Variants in METTL3 observed in about 807,000 individuals in gnomAD.
The protein encoded by METTL3 is methyltransferase 3, N6-adenosine-methyltransferase complex catalytic subunit.
METTL3 carries 42 observed loss-of-function variants against 64.3 expected under a neutral mutation model. The observed-to-expected ratio is 0.65, with a 90% CI of 0.51 to 0.84. The LOEUF (loss-of-function observed/expected upper bound fraction) is 0.84. Ranked by LOEUF, METTL3 falls within the 40% of genes least tolerant of loss-of-function variation. The probability of loss-of-function intolerance (pLI) is 0.00; values close to 1 mark genes in which losing one functional copy is unlikely to be tolerated. For synonymous variants in METTL3, 256 were observed against 263.6 expected, an observed-to-expected ratio of 0.97 and a Z score of 0.28; for missense variants, 435 against 722.3, an observed-to-expected ratio of 0.60 and a Z score of 4.56.
chr14:21,501,168 G>T lies in METTL3; in HGVS notation c.900-39C>A, dbSNP rs374001341. On this transcript the variant is annotated intron_variant, in intron 4 of 10. Transcript: ENST00000298717. ...AAGGGAGAATCAAGATGGTGCTCCAGATGTAGATCCAACAGTTCAAATTCC... is the reference window on the plus strand; with the variant it reads ...AAGGGAGAATCAAGATGGTGCTCCATATGTAGATCCAACAGTTCAAATTCC... The T allele has an allele frequency of 6.1e-6, 9 of 1,470,310 alleles. No homozygotes were observed. In the African/African-American group the frequency reaches 1.3e-4, roughly 20 times the overall value. The allele number at this position is 1,470,310 out of a possible 1,614,324, so 91.1% of individuals were successfully genotyped here.
intron 7 of METTL3, 61 bp from the exon 8 acceptor site, chr14:21,499,661 C>G (rs1891506871): frequency 5.7e-6 from 9 of 1,579,962 alleles, no homozygotes; most frequent in South Asian, 4.4e-5. Context: ...GGGGTAGTAC[C>G]ATTTATAGAA....
intron 1 of METTL3, among the ~76,000 whole-genome samples, chr14:21,505,503 A>G (rs570370070): frequency 2.0e-5 from 3 of 152,282 alleles, no homozygotes; most frequent in Admixed American, 2.0e-4. Context: ...CCAACATTAC[A>G]TTCAGAATAT....
chr14:21,499,586 T>A lies in METTL3; in HGVS notation c.1358A>T (p.Asp453Val). The stretch of plus-strand genomic sequence containing the variant: ...ATTTGTCTTCACCCAAATAATTTCA[T>A]CTACCCGTTCATACCTGTGGGGCAT... ...CLNLWGYERV[D>V]EIIWVKTNQL... Residue 453 changes from aspartate to valine, a missense_variant, in exon 8 of 11, where the codon GAT (aspartate) becomes GTT (valine). Transcript: ENST00000298717. 1 of 1,614,104 alleles carries A rather than the reference T, an allele frequency of 6.2e-7. No individual in the cohort carries two copies. Among genetic ancestry groups the A allele is most frequent in the Non-Finnish European group, 8.5e-7 (1 of 1,179,944 alleles).
At chr14:21,504,857 T>G (rs1891660510) in intron 1 of METTL3, 1 of 151,320 alleles carries the variant, frequency 6.6e-6, no homozygotes, top group South Asian at 2.1e-4. Context: ...GGAGAATTGC[T>G]TGAACCCACG....
chr14:21,511,265 G>A lies in METTL3; in HGVS notation c.-42C>T, dbSNP rs138269336. 673 of 1,593,234 alleles carry A rather than the reference G, an allele frequency of 4.2e-4. 5 individuals are homozygous for A. The African/African-American group carries it at 8.5e-3, about 20-fold the overall frequency. On this transcript the variant is annotated 5_prime_UTR_variant, in exon 1 of 11. Transcript: ENST00000298717. ...TGACACCTCTCGAATAAGGCGCGGC[G>A]GACTAGCACCTCCCAGCACTCGCTC... is the stretch of plus-strand genomic sequence containing the variant.
At chr14:21,500,789 T>C in intron 5 of METTL3, 107 bp from the exon 6 acceptor site, 1 of 1,413,960 alleles carries the variant, frequency 7.1e-7, no homozygotes. Context: ...AGCTTATCTA[T>C]CCCCCTCCAT....
In METTL3 at chr14:21,503,056, A is replaced by C. The variant is rs1291403712; in HGVS notation, c.723+117T>G. The C allele has an allele frequency of 3.5e-6, 4 of 1,139,582 alleles. No homozygotes were observed. In the East Asian group the frequency reaches 7.1e-5, roughly 20 times the overall value. The allele number at this position is 1,139,582 out of a possible 1,614,324, so 70.6% of individuals were successfully genotyped here. ...ATCCCCTGGGAGTTGGGCAGTAGGGAATCATCCCCAGTTGAGAACCACTGC... is the reference window on the plus strand; with the variant it reads ...ATCCCCTGGGAGTTGGGCAGTAGGGCATCATCCCCAGTTGAGAACCACTGC... On this transcript the variant is annotated intron_variant, in intron 3 of 10. Coordinates refer to ENST00000298717, the MANE Select transcript of METTL3 (RefSeq NM_019852.5).
intron 4 of METTL3, chr14:21,501,456 C>T (rs1594439791): frequency 1.6e-5 from 9 of 560,918 alleles, no homozygotes; most frequent in Non-Finnish European, 2.8e-5. Flanking sequence ...TTTCAGAGTA[C>T]TTTAACTTTC....
intron 1 of METTL3, among the ~76,000 whole-genome samples, chr14:21,506,061 T>C (rs1012999571): frequency 6.6e-6 from 1 of 152,190 alleles, no homozygotes; most frequent in African/African-American, 2.4e-5. Context: ...TAAAGTTTTT[T>C]TTTTTGAGAC....
chr14:21,507,426 G>A (rs1041746544), intron 1 of METTL3, among the ~76,000 whole-genome samples: 2 of 152,102 alleles, frequency 1.3e-5, no homozygotes, highest in South Asian at 2.1e-4. Context: ...TTGAGAGGCC[G>A]AGATGGGCGG....
rs557967128 is a variant in METTL3, at chr14:21,500,663, C to T, written c.1136G>A (p.Arg379His). ...FPPQWICCDI[R>H]YLDVSILGKF... ...GCCCAAGATACTGACGTCCAGGTAG[C>T]GGATATCACAACAGATCCACTGCAT... The change falls in exon 6 of 11, where the codon CGC becomes CAC. Residue 379 changes from arginine to histidine, a missense_variant. Physicochemically the swap from Arg to His is conservative, Grantham distance 29. Coordinates refer to ENST00000298717, the MANE Select transcript of METTL3 (RefSeq NM_019852.5). 5.0e-6 allele frequency: 8 copies of T among 1,613,764 alleles called. No homozygotes were observed. Among genetic ancestry groups the T allele is most frequent in the African/African-American group, 1.3e-5 (1 of 75,016 alleles).
intron 6 of METTL3, 100 bp downstream of exon 6, chr14:21,500,395 C>A: frequency 8.5e-7 from 1 of 1,175,986 alleles, no homozygotes. Flanking sequence ...ATCAGTCATA[C>A]ATTTAATAGT....
rs17106865 is a variant in METTL3 at position 21,509,781 on chromosome 14, A to C, written c.100+1343T>G. 6.3e-3 allele frequency among the ~76,000 whole-genome samples: 954 copies of C among 152,280 alleles called. 9 individuals are homozygous for C. The highest frequency in any genetic ancestry group is 0.022 in the African/African-American group (912 of 41,554). ...AAAACAGGAAACCAAAGAATAGGGG[A>C]AAAAACATAACAAAACAAAAAATTG... On this transcript the variant is annotated intron_variant, in intron 1 of 10. Transcript: ENST00000298717.
chr14:21,501,024 A>T lies in METTL3; in HGVS notation c.1005T>A (p.Ala335=), dbSNP rs1279544988. 1 of 1,614,190 alleles carries T rather than the reference A, an allele frequency of 6.2e-7. No homozygotes were observed. Among genetic ancestry groups the T allele is most frequent in the Non-Finnish European group, 8.5e-7 (1 of 1,180,016 alleles). ...TCKYVHYEID[A]CMDSEAPGSK... The stretch of plus-strand genomic sequence containing the variant: ...TGCCAGGGGCCTCAGAATCCATGCA[A>T]GCATCAATTTCATAGTGAACATACT... Residue 335 remains alanine, a synonymous_variant, in exon 5 of 11, where the codon GCT becomes GCA. Transcript: ENST00000298717.
intron 10 of METTL3, 45 bp downstream of exon 10, chr14:21,498,980 A>T: frequency 7.4e-7 from 1 of 1,343,464 alleles, no homozygotes; most frequent in Non-Finnish European, 1.1e-6. Context: ...CCTTAATCAT[A>T]AATAATAGCC....
intron 4 of METTL3, 197 bp downstream of exon 4, chr14:21,501,531 C>G (rs370894745): frequency 3.0e-6 from 2 of 659,962 alleles, no homozygotes; most frequent in Non-Finnish European, 5.0e-6. Flanking sequence ...AAAAAAAAAT[C>G]TCAGTTATTT....
chr14:21,499,017 C>A lies in METTL3; in HGVS notation c.1631+8G>T. 6.2e-7 allele frequency: 1 copy of A among 1,600,256 alleles called. No homozygotes were observed. The highest frequency in any genetic ancestry group is 1.1e-5 in the South Asian group (1 of 90,772). ...CTTGAGGACTAGCCTGTTCTCTGGT[C>A]ACCTTACCAGTTGGGTTGCACATTG... On this transcript the variant is annotated splice_region_variant and intron_variant, in intron 10 of 10. Coordinates refer to ENST00000298717, the MANE Select transcript of METTL3 (RefSeq NM_019852.5).
intron 3 of METTL3, 177 bp downstream of exon 3, chr14:21,502,996 T>G: frequency 1.5e-6 from 1 of 664,172 alleles, no homozygotes; most frequent in Non-Finnish European, 2.4e-6. Flanking sequence ...CACTCCCCCA[T>G]GTGTGACAAT....
At chr14:21,508,047 G>A (rs2139650504) in intron 1 of METTL3, 1 of 152,000 alleles carries the variant, frequency 6.6e-6, no homozygotes, top group Non-Finnish European at 1.5e-5. Context: ...TTGAGCCCAA[G>A]AGTCCAAGAC....
Sources: gnomAD v4.1 joint callset for allele counts (sites outside exome capture counted in the v4.1 genomes callset) on GRCh38, gnomAD v4.1.1 for gene constraint, MANE v1.5 for transcripts, NCBI Gene and HGNC (gene_info 2026-07-23, HGNC 2026-07-21) for gene names.